Variants in ILRUN observed in about 807,000 individuals in gnomAD.
ILRUN encodes the protein inflammation and lipid regulator with UBA-like and NBR1-like domains.
A neutral mutation model predicts 33.8 loss-of-function variants in ILRUN; 3 were observed. The ratio of observed to expected loss-of-function variants is 0.09; its 90% CI spans 0.04 to 0.23. The LOEUF (loss-of-function observed/expected upper bound fraction) is 0.23. Ranked by LOEUF, ILRUN falls within the 10% of genes least tolerant of loss-of-function variation. The pLI, the probability that ILRUN is intolerant of heterozygous loss-of-function variation, is 1.00. For synonymous variants in ILRUN, 124 were observed against 138.9 expected, an observed-to-expected ratio of 0.89 and a Z score of 0.75; for missense variants, 210 against 375.1, an observed-to-expected ratio of 0.56 and a Z score of 3.64.
chr6:34,590,452 T>C lies in ILRUN; in HGVS notation c.*113A>G. 6.7e-7 allele frequency: 1 copy of C among 1,484,494 alleles called. No individual in the cohort carries two copies. Among genetic ancestry groups the C allele is most frequent in the Admixed American group, 1.9e-5 (1 of 53,078 alleles). 92.0% of individuals were successfully genotyped at this position (1,484,494 alleles called of 1,614,324 possible). On this transcript the variant is annotated 3_prime_UTR_variant, in exon 5 of 5. Transcript: ENST00000374023. ...CCTCTTCTTCCGGGATGAGAGGGGG[T>C]CAGAGCCAGGGGTCTGTGCGATGTG... is the stretch of plus-strand genomic sequence containing the variant.
At chr6:34,600,566 GT>G (rs1761488007) in intron 4 of ILRUN, among the ~76,000 whole-genome samples, 1 of 152,154 alleles carries the variant, frequency 6.6e-6, no homozygotes, top group African/African-American at 2.4e-5. Flanking sequence ...GACAGGTTTG[GT>G]TTTTGTGTGT....
rs536621726 is a variant in ILRUN, at chr6:34,684,846, C to T, written c.158+11600G>A. ...AAGCAGAATATTCACTACAAAGATACGCCAGGAAAGGTAGAAGTAGGTAAA... is the reference window on the plus strand; with the variant it reads ...AAGCAGAATATTCACTACAAAGATATGCCAGGAAAGGTAGAAGTAGGTAAA... On this transcript the variant is annotated intron_variant, in intron 1 of 4. Coordinates refer to ENST00000374023, the MANE Select transcript of ILRUN (RefSeq NM_024294.4). Among the ~76,000 whole-genome samples the T allele has an allele frequency of 1.3e-4, 20 of 152,268 alleles. No individual in the cohort carries two copies. In the South Asian group the frequency reaches 2.9e-3, roughly 22 times the overall value.
intron 4 of ILRUN, among the ~76,000 whole-genome samples, chr6:34,601,519 C>T (rs2127315088): frequency 6.6e-6 from 1 of 152,322 alleles, no homozygotes; most frequent in African/African-American, 2.4e-5. Flanking sequence ...ACACCAACTA[C>T]CTGCCTTCTG....
At chr6:34,648,170 C>G (rs1762595887) in intron 2 of ILRUN, among the ~76,000 whole-genome samples, 1 of 152,178 alleles carries the variant, frequency 6.6e-6, no homozygotes, top group Non-Finnish European at 1.5e-5. Context: ...TAACTGTAGA[C>G]AGAAACTTCT....
intron 3 of ILRUN, among the ~76,000 whole-genome samples, chr6:34,614,415 C>G (rs1416293065): frequency 7.8e-6 from 1 of 128,018 alleles, no homozygotes; most frequent in East Asian, 2.1e-4. Context: ...GAGCAAGACT[C>G]CATCTCAAAA....
intron 2 of ILRUN, among the ~76,000 whole-genome samples, chr6:34,648,272 T>C (rs948511120): frequency 6.6e-6 from 1 of 152,192 alleles, no homozygotes. Context: ...AGAGGGTGCT[T>C]GTCATTTATC....
intron 1 of ILRUN, among the ~76,000 whole-genome samples, chr6:34,661,837 T>C (rs1009650529): frequency 1.3e-5 from 2 of 151,992 alleles, no homozygotes; most frequent in African/African-American, 2.4e-5. Flanking sequence ...TTAAAAGACA[T>C]AGAAGAGGCC....
At chr6:34,665,077 C>T (rs1303266211) in intron 1 of ILRUN, among the ~76,000 whole-genome samples, 3 of 151,750 alleles carry the variant, frequency 2.0e-5, no homozygotes, top group East Asian at 1.9e-4. Flanking sequence ...CTCAGGCAAT[C>T]GTCCTGCCTC....
rs138039180 is a variant in ILRUN, at chr6:34,657,144, A to T, written c.159-2365T>A. Among the ~76,000 whole-genome samples, 511 of 152,364 alleles carry T rather than the reference A, an allele frequency of 3.4e-3. 1 individual carries two copies. The highest frequency in any genetic ancestry group is 0.015 in the South Asian group (72 of 4,832). ...GCCTAGTTTGCAATTTGCTCTTTTG[A>T]AAACATTTTGGAAAAGCTGTATGTC... On this transcript the variant is annotated intron_variant, in intron 1 of 4. Transcript: ENST00000374023.
chr6:34,673,900 C>T (rs1763170549), intron 1 of ILRUN, among the ~76,000 whole-genome samples: 1 of 120,640 alleles, frequency 8.3e-6, no homozygotes. Context: ...CAGTAACAAC[C>T]ACATACACAC....
In ILRUN at chr6:34,658,561, C is replaced by T. The variant is rs187798908; in HGVS notation, c.159-3782G>A. ...GTGGCTCACACCCATAATCCCAGGA[C>T]TTTGGGAGGCCGAGGCGGGCAGATC... On this transcript the variant is annotated intron_variant, in intron 1 of 4. Transcript: ENST00000374023. 5.5e-5 allele frequency among the ~76,000 whole-genome samples: 8 copies of T among 146,748 alleles called. No individual in the cohort carries two copies. The Admixed American group carries it at 5.6e-4, about 10-fold the overall frequency.
At chr6:34,673,391 A>C (rs1763155956) in intron 1 of ILRUN, among the ~76,000 whole-genome samples, 1 of 152,188 alleles carries the variant, frequency 6.6e-6, no homozygotes. Flanking sequence ...CCTACTACTG[A>C]GAATAAATTT....
intron 3 of ILRUN, chr6:34,617,031 C>G (rs575653262): frequency 5.6e-6 from 3 of 533,062 alleles, no homozygotes; most frequent in Non-Finnish European, 1.1e-5. Flanking sequence ...ACAGACAACA[C>G]TTTGATTGCT....
intron 3 of ILRUN, among the ~76,000 whole-genome samples, chr6:34,628,659 A>G (rs1156436113): frequency 1.3e-5 from 2 of 152,070 alleles, no homozygotes; most frequent in African/African-American, 4.8e-5. Context: ...TTGAAATTCA[A>G]TCTGCTAATA....
At chr6:34,652,576 G>A (rs191437614) in intron 2 of ILRUN, among the ~76,000 whole-genome samples, 1 of 152,202 alleles carries the variant, frequency 6.6e-6, no homozygotes, top group Admixed American at 6.5e-5. Context: ...CCATCATAAA[G>A]AACTGAATTG....
chr6:34,612,484 A>C (rs1382941386), intron 3 of ILRUN, among the ~76,000 whole-genome samples: 1 of 152,326 alleles, frequency 6.6e-6, no homozygotes, highest in South Asian at 2.1e-4. Context: ...TGTAAATGTT[A>C]TCTCATTCAA....
intron 3 of ILRUN, among the ~76,000 whole-genome samples, chr6:34,621,899 C>T (rs1762020629): frequency 6.6e-6 from 1 of 151,726 alleles, no homozygotes; most frequent in Non-Finnish European, 1.5e-5. Context: ...GAAAGACAGA[C>T]ATATTAAGAC....
chr6:34,637,855 C>CTGTTGT (rs1419760918), intron 3 of ILRUN, among the ~76,000 whole-genome samples: 1 of 130,488 alleles, frequency 7.7e-6, no homozygotes, highest in East Asian at 2.6e-4. Context: ...GCTGCTGCTG[C>CTGTTGT]TGCTGCTGCT....
intron 1 of ILRUN, among the ~76,000 whole-genome samples, chr6:34,692,651 T>C (rs1259018406): frequency 1.3e-5 from 2 of 152,280 alleles, no homozygotes; most frequent in African/African-American, 4.8e-5. Flanking sequence ...AAAAAAAATA[T>C]TGGCTGGACA....
Sources: gnomAD v4.1 joint callset for allele counts (sites outside exome capture counted in the v4.1 genomes callset) on GRCh38, gnomAD v4.1.1 for gene constraint, MANE v1.5 for transcripts, NCBI Gene and HGNC (gene_info 2026-07-23, HGNC 2026-07-21) for gene names.